MECOM: variants seen among roughly 807,000 people sequenced by gnomAD.
MECOM encodes the protein MDS1 and EVI1 complex locus.
MECOM carries 13 observed loss-of-function variants against 116.3 expected under a neutral mutation model. The ratio of observed to expected loss-of-function variants is 0.11; its 90% CI spans 0.07 to 0.18. The LOEUF is 0.18. Ranked by LOEUF, MECOM falls within the 10% of genes least tolerant of loss-of-function variation. The pLI is 1.00. For missense variants in MECOM, 1,299 were observed against 1,509.0 expected (o/e 0.86, Z 2.31); for synonymous variants, 528 against 535.2 (o/e 0.99, Z 0.19).
intron 2 of MECOM, among the ~76,000 whole-genome samples, chr3:169,267,300 AG>A (rs1462892973): frequency 6.6e-6 from 1 of 152,216 alleles, no homozygotes; most frequent in Admixed American, 6.5e-5. Context: ...GACATAATAG[AG>A]AAGTTGAAAA....
chr3:169,580,595 G>A (rs1490178627), intron 1 of MECOM, among the ~76,000 whole-genome samples: 1 of 152,178 alleles, frequency 6.6e-6, no homozygotes, highest in South Asian at 2.1e-4. Context: ...GAGGCAACAT[G>A]CTTTTGTGTG....
intron 2 of MECOM, among the ~76,000 whole-genome samples, chr3:169,328,040 A>G (rs1722145759): frequency 6.6e-6 from 1 of 152,198 alleles, no homozygotes; most frequent in African/African-American, 2.4e-5. Context: ...TAGCTGTCTC[A>G]AGATTACAAC....
chr3:169,268,935 T>C (rs1758614430), intron 2 of MECOM, among the ~76,000 whole-genome samples: 1 of 152,148 alleles, frequency 6.6e-6, no homozygotes, highest in African/African-American at 2.4e-5. Flanking sequence ...AGTTTCTAAT[T>C]ACTAAGCGGA....
At chr3:169,227,474 T>C (rs1244640385) in intron 2 of MECOM, among the ~76,000 whole-genome samples, 1 of 152,200 alleles carries the variant, frequency 6.6e-6, no homozygotes, top group Admixed American at 6.5e-5. Flanking sequence ...CTGAGAATTC[T>C]GTATAGATTT....
At chr3:169,294,437 G>A (rs141346124) in intron 2 of MECOM, among the ~76,000 whole-genome samples, 3 of 152,110 alleles carry the variant, frequency 2.0e-5, no homozygotes, top group Non-Finnish European at 4.4e-5. Flanking sequence ...GGGCACTGGC[G>A]TAAGGTCACA....
intron 2 of MECOM, among the ~76,000 whole-genome samples, chr3:169,250,145 T>C (rs1413718163): frequency 6.6e-6 from 1 of 152,162 alleles, no homozygotes; most frequent in African/African-American, 2.4e-5. Context: ...GGAAATGAGC[T>C]ACAGAGCAGA....
chr3:169,285,278 T>G (rs1011489847), intron 2 of MECOM, among the ~76,000 whole-genome samples: 6 of 152,080 alleles, frequency 3.9e-5, no homozygotes, highest in Non-Finnish European at 8.8e-5. Context: ...TCTGCAGCCC[T>G]GCTTCTGTGG....
At chr3:169,638,295 C>T (rs1773058183) in intron 1 of MECOM, among the ~76,000 whole-genome samples, 1 of 152,136 alleles carries the variant, frequency 6.6e-6, no homozygotes, top group African/African-American at 2.4e-5. Flanking sequence ...TGTCTTGTTC[C>T]CCAAGACCTC....
intron 1 of MECOM, among the ~76,000 whole-genome samples, chr3:169,481,684 G>T (rs1337803240): frequency 2.1e-5 from 3 of 143,704 alleles, no homozygotes; most frequent in Non-Finnish European, 4.6e-5. Flanking sequence ...GTGTGTGTGT[G>T]TGTCCTCAAC....
In MECOM at chr3:169,089,143, C is replaced by A; in HGVS notation, c.3442G>T (p.Asp1148Tyr). The change falls in exon 16 of 17, where the codon GAT becomes TAT. Residue 1148 changes from aspartate to tyrosine, a missense_variant. Asp to Tyr is a radical substitution (Grantham distance 160). Transcript: ENST00000651503. ...CTATCTGTGAAGTGCCTTATATGAT[C>A]TAGAGCAGAAAGTCCACTTTTATAT... The part of the protein sequence containing the change: ...EEYKSGLSAL[D>Y]HIRHFTDSLK... 1.2e-5 allele frequency: 19 copies of A among 1,575,568 alleles called. No homozygotes were observed. The highest frequency in any genetic ancestry group is 1.6e-5 in the Non-Finnish European group (19 of 1,164,480).
chr3:169,437,402 T>A (rs1481362172), intron 1 of MECOM, among the ~76,000 whole-genome samples: 1 of 152,204 alleles, frequency 6.6e-6, no homozygotes, highest in Non-Finnish European at 1.5e-5. Flanking sequence ...GACATTCAAA[T>A]ATTAACTTTT....
At chr3:169,569,952 C>T (rs1402086162) in intron 1 of MECOM, among the ~76,000 whole-genome samples, 1 of 151,988 alleles carries the variant, frequency 6.6e-6, no homozygotes, top group African/African-American at 2.4e-5. Flanking sequence ...CAAGAGCAAA[C>T]AAATTCAAAA....
chr3:169,322,763 C>T (rs1047628497), intron 2 of MECOM, among the ~76,000 whole-genome samples: 5 of 151,848 alleles, frequency 3.3e-5, no homozygotes, highest in Non-Finnish European at 5.9e-5. Context: ...TTTGGGAGGC[C>T]GAGTCAGGCA....
Position 169,133,936 on chromosome 3 carries a change from G to C in MECOM, c.511-2405C>G, listed in dbSNP as rs370064963. ...CCTCTTTTTTTGGCATCTCTCAAAG[G>C]TTTAACTTATTAGCTTCCTTTCCAA... On this transcript the variant is annotated intron_variant, in intron 3 of 16. Coordinates refer to ENST00000651503, the MANE Select transcript of MECOM (RefSeq NM_004991.4). 160 of 1,289,392 alleles carry C rather than the reference G, an allele frequency of 1.2e-4. 1 individual carries two copies. Among genetic ancestry groups the C allele is most frequent in the Middle Eastern group, 8.5e-4 (4 of 4,694 alleles). 79.9% of individuals were successfully genotyped at this position (1,289,392 alleles called of 1,614,324 possible). A position where few individuals can be genotyped will look rare whatever the true frequency, so the allele number is the denominator to read the frequency against.
At chr3:169,095,839 C>G (rs550834458) in intron 12 of MECOM, among the ~76,000 whole-genome samples, 1 of 151,616 alleles carries the variant, frequency 6.6e-6, no homozygotes, top group East Asian at 1.9e-4. Flanking sequence ...AATCTTTAAA[C>G]TGTTATAAAA....
intron 2 of MECOM, among the ~76,000 whole-genome samples, chr3:169,380,339 T>G (rs1732187025): frequency 6.6e-6 from 1 of 152,082 alleles, no homozygotes. Flanking sequence ...TTCCAGAAAT[T>G]ATGATGTAAT....
chr3:169,349,429 T>C (rs1725929942), intron 2 of MECOM, among the ~76,000 whole-genome samples: 1 of 151,892 alleles, frequency 6.6e-6, no homozygotes. Context: ...GGCCCTCCTA[T>C]GGATACAGGT....
intron 2 of MECOM, among the ~76,000 whole-genome samples, chr3:169,293,602 T>C (rs1440958747): frequency 6.6e-6 from 1 of 152,224 alleles, no homozygotes; most frequent in East Asian, 1.9e-4. Flanking sequence ...TTCTGTGTGC[T>C]ACAATTCCCC....
At chr3:169,230,902 TTTG>T (rs373905502) in intron 2 of MECOM, among the ~76,000 whole-genome samples, 9 of 152,316 alleles carry the variant, frequency 5.9e-5, no homozygotes, top group African/African-American at 2.2e-4. Context: ...TTATCATAAC[TTTG>T]TTATTATCAA....
Sources: gnomAD v4.1 joint callset for allele counts (sites outside exome capture counted in the v4.1 genomes callset) on GRCh38, gnomAD v4.1.1 for gene constraint, MANE v1.5 for transcripts, NCBI Gene and HGNC (gene_info 2026-07-23, HGNC 2026-07-21) for gene names.